NEBL: variants seen among roughly 807,000 people sequenced by gnomAD.
NEBL encodes the protein LIM and SH3 protein 2.
In NEBL, 122 loss-of-function variants were observed where a neutral mutation model predicts 140.2. The ratio of observed to expected loss-of-function variants is 0.87; its 90% CI spans 0.75 to 1.01. The LOEUF is 1.01. Among genes scored for constraint, NEBL ranks in the 50% least tolerant of loss-of-function variants. NEBL has a pLI of 0.00. For missense variants in NEBL, 1,365 were observed against 1,231.3 expected (o/e 1.11, Z -1.62); for synonymous variants, 436 against 398.9 (o/e 1.09, Z -1.11).
chr10:21,022,254 G>A (rs1358265526), intron 2 of NEBL, among the ~76,000 whole-genome samples: 3 of 152,072 alleles, frequency 2.0e-5, no homozygotes, highest in Non-Finnish European at 4.4e-5. Flanking sequence ...TGGTATCCAC[G>A]TGTGTCTCTT....
rs1277628627 is a variant in NEBL at position 20,812,912 on chromosome 10, G to C, written c.2375C>G (p.Thr792Arg). Residue 792 changes from threonine to arginine, a missense_variant, in exon 24 of 28, where the codon ACA (threonine) becomes AGA (arginine). By Grantham distance (71) the Thr-to-Arg change is moderately conservative. This residue lies in a region of NEBL where 1,323 missense variants were observed against 1,154.8 expected (regional missense o/e 1.15). Coordinates refer to ENST00000377122, the MANE Select transcript of NEBL (RefSeq NM_006393.3). Reference sequence around the variant, plus strand: ...GACGGGAGTAAAGCCTCTCCCCTTTGTTTTTTCAAAATCTTCATGGTATTT... The same window carrying C: ...GACGGGAGTAAAGCCTCTCCCCTTTCTTTTTTCAAAATCTTCATGGTATTT... ...MVKYHEDFEK[T>R]KGRGFTPVVD... 1 of 1,613,802 alleles carries C rather than the reference G, an allele frequency of 6.2e-7. No homozygotes were observed. Among genetic ancestry groups the C allele is most frequent in the Admixed American group, 1.7e-5 (1 of 59,978 alleles).
At chr10:20,934,912 G>C (rs1260495277) in intron 4 of NEBL, among the ~76,000 whole-genome samples, 1 of 152,172 alleles carries the variant, frequency 6.6e-6, no homozygotes, top group Non-Finnish European at 1.5e-5. Flanking sequence ...GAGAGATCTA[G>C]GACAGTATCA....
rs766626102 is a variant in NEBL at position 20,889,963 on chromosome 10, T to C, written c.154-14A>G. 8.0e-6 allele frequency: 12 copies of C among 1,498,898 alleles called. No individual in the cohort carries two copies. The highest frequency in any genetic ancestry group is 1.2e-5 in the South Asian group (1 of 86,114). The allele number at this position is 1,498,898 out of a possible 1,614,324, so 92.8% of individuals were successfully genotyped here. A position where few individuals can be genotyped will look rare whatever the true frequency, so the allele number is the denominator to read the frequency against. ...TTTATAACGGATCTAAAAAAGAGAA[T>C]GATTTACATAAGAAGAGAAAAAGAA... On this transcript the variant is annotated splice_polypyrimidine_tract_variant and intron_variant, in intron 2 of 27. Transcript: ENST00000377122.
At chr10:21,187,508 T>A (rs539949095) in intron 3 of NEBL, among the ~76,000 whole-genome samples, 19 of 150,148 alleles carry the variant, frequency 1.3e-4, no homozygotes, top group South Asian at 2.1e-4. Context: ...ACTATTATTA[T>A]TTATTATTAT....
chr10:21,215,656 T>G (rs1395364517), intron 3 of NEBL, among the ~76,000 whole-genome samples: 1 of 152,156 alleles, frequency 6.6e-6, no homozygotes, highest in African/African-American at 2.4e-5. Flanking sequence ...TTTTTTGTTT[T>G]GTTTTGTTTT....
rs1277489158 is a variant in NEBL at position 20,852,610 on chromosome 10, A to G, written c.943T>C (p.Tyr315His). The change falls in exon 10 of 28, where the codon TAT becomes CAT. Residue 315 changes from tyrosine to histidine, a missense_variant. Transcript: ENST00000377122. Reference sequence around the variant, plus strand: ...TCCACAGCATCTGCATCAAAATGATACATTCCTTTGTTTTCCTCAAAGAGC... The same window carrying G: ...TCCACAGCATCTGCATCAAAATGATGCATTCCTTTGTTTTCCTCAAAGAGC... ...KKLFEENKGM[Y>H]HFDADAVEHL... 1 of 1,613,850 alleles carries G rather than the reference A, an allele frequency of 6.2e-7. No individual in the cohort carries two copies. The highest frequency in any genetic ancestry group is 1.7e-5 in the Admixed American group (1 of 60,018).
At chr10:20,891,591 A>G (rs977260714) in intron 2 of NEBL, among the ~76,000 whole-genome samples, 2 of 152,172 alleles carry the variant, frequency 1.3e-5, no homozygotes, top group African/African-American at 2.4e-5. Context: ...TGACACATGC[A>G]GAACGTTCAG....
intron 1 of NEBL, among the ~76,000 whole-genome samples, chr10:21,262,977 T>C (rs1410463523): frequency 6.6e-6 from 1 of 152,202 alleles, no homozygotes; most frequent in African/African-American, 2.4e-5. Flanking sequence ...AAAGGCCATC[T>C]AAAAACAGTA....
intron 2 of NEBL, among the ~76,000 whole-genome samples, chr10:21,085,165 A>G (rs1836566448): frequency 1.3e-5 from 2 of 152,166 alleles, no homozygotes; most frequent in Admixed American, 1.3e-4. Flanking sequence ...GTGAGGACCC[A>G]TTATATTTCT....
At chr10:21,010,730 GAAGTCATGT>G (rs1838306182) in intron 3 of NEBL, among the ~76,000 whole-genome samples, 1 of 152,182 alleles carries the variant, frequency 6.6e-6, no homozygotes, top group Admixed American at 6.5e-5. Flanking sequence ...AGCTAATTAG[GAAGTCATGT>G]AACATGGCAT....
At chr10:20,835,042 G>T (rs952967153) in intron 14 of NEBL, among the ~76,000 whole-genome samples, 5 of 152,118 alleles carry the variant, frequency 3.3e-5, no homozygotes, top group Non-Finnish European at 7.3e-5. Context: ...AATTTCATGC[G>T]TGCTGATCAT....
intron 3 of NEBL, among the ~76,000 whole-genome samples, chr10:21,185,776 G>A (rs988710387): frequency 1.2e-4 from 19 of 152,114 alleles, no homozygotes; most frequent in Middle Eastern, 3.2e-3. Flanking sequence ...GGGATTACAG[G>A]CGTGACCCAC....
intron 22 of NEBL, among the ~76,000 whole-genome samples, chr10:20,814,601 CACACACAT>C (rs1269265438): frequency 1.5e-5 from 2 of 135,768 alleles, no homozygotes; most frequent in African/African-American, 2.9e-5. Context: ...GTGTCTCAAA[CACACACAT>C]ACACACATAC....
At chr10:21,089,898 T>C (rs1172758977) in intron 2 of NEBL, among the ~76,000 whole-genome samples, 1 of 152,226 alleles carries the variant, frequency 6.6e-6, no homozygotes, top group African/African-American at 2.4e-5. Flanking sequence ...TGTAGCACTG[T>C]GCCTTCTTTT....
intron 4 of NEBL, among the ~76,000 whole-genome samples, chr10:20,886,126 A>G (rs1846493551): frequency 6.6e-6 from 1 of 152,210 alleles, no homozygotes; most frequent in Admixed American, 6.5e-5. Flanking sequence ...TCACCATGGC[A>G]CACGTTTACC....
At chr10:21,048,313 G>A (rs1834608273) in intron 2 of NEBL, among the ~76,000 whole-genome samples, 1 of 152,126 alleles carries the variant, frequency 6.6e-6, no homozygotes, top group Non-Finnish European at 1.5e-5. Context: ...CAGACCCACA[G>A]CATGCTGGGG....
At chr10:21,025,924 T>C in intron 2 of NEBL, among the ~76,000 whole-genome samples, 1 of 152,304 alleles carries the variant, frequency 6.6e-6, no homozygotes, top group South Asian at 2.1e-4. Flanking sequence ...TTATTATCAC[T>C]ATTACTATTA....
chr10:20,972,692 A>C (rs911900346), intron 3 of NEBL, among the ~76,000 whole-genome samples: 9 of 152,148 alleles, frequency 5.9e-5, no homozygotes, highest in African/African-American at 1.9e-4. Flanking sequence ...GGCTGCAGTG[A>C]GCCAAGATCA....
chr10:21,065,064 C>T (rs1006086284), intron 2 of NEBL, among the ~76,000 whole-genome samples: 6 of 152,084 alleles, frequency 3.9e-5, no homozygotes, highest in African/African-American at 1.4e-4. Flanking sequence ...AATGAGGCAT[C>T]GTGACCTTTT....
Sources: gnomAD v4.1 joint callset for allele counts (sites outside exome capture counted in the v4.1 genomes callset) on GRCh38, gnomAD v4.1.1 for gene constraint, gnomAD v4.1.1 regional missense constraint, MANE v1.5 for transcripts, NCBI Gene and HGNC (gene_info 2026-07-23, HGNC 2026-07-21) for gene names.